The following HYAL4 variants were observed in gnomAD, a reference collection of about 807,000 sequenced individuals.
HYAL4 encodes the protein hyaluronidase 4, also known as hyaluronidase-4.
Under a neutral mutation model 35.2 loss-of-function variants are expected in HYAL4, and 37 were observed. The ratio of observed to expected loss-of-function variants is 1.05; its 90% CI spans 0.81 to 1.38. The LOEUF (loss-of-function observed/expected upper bound fraction) is 1.38. Ranked by LOEUF, HYAL4 falls within the 40% of genes most tolerant of loss-of-function variation. The pLI, the probability that HYAL4 is intolerant of heterozygous loss-of-function variation, is 0.00. For missense variants in HYAL4, 572 were observed against 572.4 expected, an observed-to-expected ratio of 1.00 and a Z score of 0.01; for synonymous variants, 198 against 203.2, an observed-to-expected ratio of 0.97 and a Z score of 0.22.
At chr7:123,817,510 CTTTTTTT>C in the HYAL4 span, among the ~76,000 whole-genome samples, 125 of 122,184 alleles carry the variant, frequency 1.0e-3, no homozygotes, top group African/African-American at 3.6e-3. Context: ...CATTCTTCTT[CTTTTTTT>C]TTTTTTTTTT....
chr7:123,802,438 G>T, the HYAL4 span, among the ~76,000 whole-genome samples: 1 of 150,720 alleles, frequency 6.6e-6, no homozygotes, highest in Non-Finnish European at 1.5e-5. Context: ...AAGATAATTT[G>T]ACTTAAATGG....
At chr7:123,790,586 CT>C in the HYAL4 span, 1,467 of 118,340 alleles carry the variant, frequency 0.012, 8 homozygotes, top group African/African-American at 0.023. Flanking sequence ...AAAGACATGC[CT>C]TTTTTTTTTT....
chr7:123,858,556 A>T lies in HYAL4; in HGVS notation c.-51-9667A>T, dbSNP rs561110052. Among the ~76,000 whole-genome samples, 20 of 152,198 alleles carry T rather than the reference A, an allele frequency of 1.3e-4. No homozygotes were observed. In the South Asian group the frequency reaches 3.9e-3, roughly 30 times the overall value. On this transcript the variant is annotated intron_variant, in intron 2 of 4. Coordinates refer to ENST00000223026, the MANE Select transcript of HYAL4 (RefSeq NM_012269.3). ...AGAGAAAGGCAAGAGTGCAGAGAGG[A>T]ATGGGGAAAGGGTAGTGTGCAAGAT...
the HYAL4 span, among the ~76,000 whole-genome samples, chr7:123,765,279 G>A: frequency 6.6e-6 from 1 of 151,828 alleles, no homozygotes; most frequent in East Asian, 1.9e-4. Context: ...ATAGAAAAAT[G>A]TTGTTCTCTA....
the HYAL4 span, among the ~76,000 whole-genome samples, chr7:123,768,873 G>A: frequency 6.6e-6 from 1 of 152,176 alleles, no homozygotes; most frequent in African/African-American, 2.4e-5. Context: ...GGCAAATGAT[G>A]TTGCCCCTGT....
At position 123,877,345 on chromosome 7, in the gene HYAL4, G is replaced by A. The variant is rs2116973619; in HGVS notation, c.*190G>A. 2 of 561,678 alleles carry A rather than the reference G, an allele frequency of 3.6e-6. No individual in the cohort carries two copies. Among genetic ancestry groups the A allele is most frequent in the Middle Eastern group, 4.8e-4 (1 of 2,098 alleles). 34.8% of individuals were successfully genotyped at this position (561,678 alleles called of 1,614,324 possible). On this transcript the variant is annotated 3_prime_UTR_variant, in exon 5 of 5. Coordinates refer to ENST00000223026, the MANE Select transcript of HYAL4 (RefSeq NM_012269.3). ...AGTCTGGCTAGGAAACCAGATCTGGGGTAAAGTCAATGTACACTTCCTCCT... is the reference window on the plus strand; with the variant it reads ...AGTCTGGCTAGGAAACCAGATCTGGAGTAAAGTCAATGTACACTTCCTCCT...
Position 123,876,871 on chromosome 7 carries a change from A to G in HYAL4, c.1162A>G (p.Ile388Val), listed in dbSNP as rs370356300. 6.2e-7 allele frequency: 1 copy of G among 1,614,228 alleles called. No individual in the cohort carries two copies. The highest frequency in any genetic ancestry group is 1.3e-5 in the African/African-American group (1 of 75,064). Residue 388 changes from isoleucine to valine, a missense_variant, in exon 5 of 5, where the codon ATA becomes GTA. Ile to Val is a conservative substitution (Grantham distance 29). Transcript: ENST00000223026. The stretch of plus-strand genomic sequence containing the variant: ...CCTCTGCAGGAACAATGGCAGGTGC[A>G]TAAGGAAGATGTGGAACGCGCCCAG... Reference protein sequence around the residue: ...LHLCRNNGRCIRKMWNAPSYL... With the variant: ...LHLCRNNGRCVRKMWNAPSYL...
intron 2 of HYAL4, among the ~76,000 whole-genome samples, chr7:123,856,805 G>C (rs1806447416): frequency 6.6e-6 from 1 of 152,178 alleles, no homozygotes; most frequent in Non-Finnish European, 1.5e-5. Flanking sequence ...TCCCCTAGTT[G>C]CTCTGTCCTA....
At chr7:123,792,285 T>C in the HYAL4 span, among the ~76,000 whole-genome samples, 2 of 152,236 alleles carry the variant, frequency 1.3e-5, no homozygotes, top group Non-Finnish European at 2.9e-5. Context: ...ATTTATTGGT[T>C]ATGCTCCACT....
chr7:123,861,439 TA>T (rs1806573892), intron 2 of HYAL4, among the ~76,000 whole-genome samples: 2 of 152,190 alleles, frequency 1.3e-5, no homozygotes, highest in Non-Finnish European at 2.9e-5. Flanking sequence ...AACATTCTAT[TA>T]AAAATGTGAT....
the HYAL4 span, among the ~76,000 whole-genome samples, chr7:123,764,881 A>G: frequency 2.6e-5 from 4 of 152,140 alleles, no homozygotes; most frequent in East Asian, 7.7e-4. Flanking sequence ...GACACTCTTG[A>G]TCCATAACAA....
At chr7:123,793,917 C>G in the HYAL4 span, among the ~76,000 whole-genome samples, 1 of 152,086 alleles carries the variant, frequency 6.6e-6, no homozygotes, top group African/African-American at 2.4e-5. Flanking sequence ...CAGAAGAAGA[C>G]AGGAAAATTT....
the HYAL4 span, among the ~76,000 whole-genome samples, chr7:123,779,367 G>A: frequency 6.6e-6 from 1 of 152,040 alleles, no homozygotes; most frequent in Non-Finnish European, 1.5e-5. Context: ...CAATGAAGGA[G>A]AATTGAAACT....
upstream of HYAL4, among the ~76,000 whole-genome samples, chr7:123,842,247 G>A (rs1806085781): frequency 6.6e-6 from 1 of 151,848 alleles, no homozygotes; most frequent in Non-Finnish European, 1.5e-5. Context: ...CCTTCATTTT[G>A]TTATTCACCC....
chr7:123,775,736 C>T, the HYAL4 span, among the ~76,000 whole-genome samples: 4 of 152,232 alleles, frequency 2.6e-5, no homozygotes, highest in African/African-American at 7.2e-5. Context: ...CTTTAGATGT[C>T]ATCTTTCCTG....
Position 123,869,057 on chromosome 7 carries a change from ATC to A in HYAL4, c.785_786del (p.Ile262ArgfsTer10). The A allele has an allele frequency of 6.2e-7, 1 of 1,614,152 alleles. No individual in the cohort carries two copies. Among genetic ancestry groups the A allele is most frequent in the Non-Finnish European group, 8.5e-7 (1 of 1,180,022 alleles). On this transcript the variant is annotated frameshift_variant, in exon 3 of 5. Transcript: ENST00000223026. LOFTEE classifies it high-confidence loss of function. Reference sequence around the variant, plus strand: ...CAGCAGTGCTGCTTTATATCCTTCTATCGGTGTCTGGAAATCCCTTGGAGACA... The same window carrying A: ...CAGCAGTGCTGCTTTATATCCTTCTAGGTGTCTGGAAATCCCTTGGAGACA... ...WNSSAALYPS[I>X]GVWKSLGDSE...
At chr7:123,855,752 T>G (rs1371615200) in intron 2 of HYAL4, among the ~76,000 whole-genome samples, 1 of 152,204 alleles carries the variant, frequency 6.6e-6, no homozygotes, top group Non-Finnish European at 1.5e-5. Context: ...CCTGCCTTGC[T>G]TGGTTGGGGA....
At chr7:123,830,545 A>C (rs1322695420) in intron 1 of HYAL4, among the ~76,000 whole-genome samples, 2 of 152,154 alleles carry the variant, frequency 1.3e-5, no homozygotes, top group Non-Finnish European at 1.5e-5. Context: ...AACAACAACA[A>C]CACAGCACTC....
the HYAL4 span, among the ~76,000 whole-genome samples, chr7:123,793,028 T>C: frequency 6.6e-6 from 1 of 152,198 alleles, no homozygotes; most frequent in African/African-American, 2.4e-5. Context: ...ACACAGTTGG[T>C]GGACCAGGAT....
Sources: allele counts gnomAD v4.1 joint callset (sites outside exome capture counted in the v4.1 genomes callset), GRCh38; gene constraint gnomAD v4.1.1; transcripts MANE v1.5; gene names NCBI Gene and HGNC (gene_info 2026-07-23, HGNC 2026-07-21).